The following HAT1 variants were observed in gnomAD, a reference collection of about 807,000 sequenced individuals.
HAT1 encodes the protein histone acetyltransferase type B catalytic subunit.
Under a neutral mutation model 56.6 loss-of-function variants are expected in HAT1, and 20 were observed. That is an observed-to-expected ratio of 0.35 (90% CI 0.25 to 0.51). HAT1 has a LOEUF of 0.51. Ranked by LOEUF, HAT1 falls within the 20% of genes least tolerant of loss-of-function variation. The pLI is 0.95. For missense variants in HAT1, 408 were observed against 504.3 expected (o/e 0.81, Z 1.83); for synonymous variants, 146 against 165.5 (o/e 0.88, Z 0.91).
At chr2:171,925,509 T>C in intron 1 of HAT1, 28 bp from the exon 2 acceptor site, 3 of 1,006,482 alleles carry the variant, frequency 3.0e-6, no homozygotes, top group Non-Finnish European at 4.8e-6. Context: ...ACTTCCAAAC[T>C]AAACCTTTTA....
chr2:171,956,178 TAAAAAAA>T (rs71013096), intron 4 of HAT1, among the ~76,000 whole-genome samples: 6 of 92,850 alleles, frequency 6.5e-5, no homozygotes, highest in Non-Finnish European at 1.0e-4. Context: ...ACCCTGTCTT[TAAAAAAA>T]AAAAAAAAAA....
In HAT1 at chr2:171,974,193, GAAAAAAAGAAAAAGAAA is replaced by G. The variant is rs1687898843; in HGVS notation, c.824-1956_824-1940del. On this transcript the variant is annotated intron_variant, in intron 8 of 10. Transcript: ENST00000264108. ...TGTCTCAAAAAAAAAAAAAAAAAAA[GAAAAAAAGAAAAAGAAA>G]AAAAAAAAAAGAAATATCTCCATTT... Among the ~76,000 whole-genome samples, 36 of 92,806 alleles carry G rather than the reference GAAAAAAAGAAAAAGAAA, an allele frequency of 3.9e-4. No homozygotes were observed. The Admixed American group carries it at 4.9e-3, about 13-fold the overall frequency. The allele number at this position is 92,806 out of a possible 152,430, so 60.9% of individuals were successfully genotyped here.
intron 8 of HAT1, among the ~76,000 whole-genome samples, chr2:171,971,461 T>C (rs572260446): frequency 1.8e-4 from 28 of 152,328 alleles, no homozygotes; most frequent in African/African-American, 6.7e-4. Context: ...CCATTTTGAA[T>C]AAATTGTTGT....
chr2:171,971,521 A>G (rs1687816179), intron 8 of HAT1, among the ~76,000 whole-genome samples: 2 of 152,166 alleles, frequency 1.3e-5, no homozygotes, highest in Admixed American at 6.5e-5. Context: ...GTGGATATCC[A>G]GCTGTCCTGG....
chr2:171,953,078 C>T (rs1218663827), intron 4 of HAT1, 77 bp downstream of exon 4: 4 of 929,162 alleles, frequency 4.3e-6, no homozygotes, highest in Non-Finnish European at 3.2e-6. Context: ...GGTGCGGTGG[C>T]TCACACCTGT....
intron 2 of HAT1, among the ~76,000 whole-genome samples, chr2:171,935,503 A>C (rs1686850703): frequency 7.0e-6 from 1 of 142,844 alleles, no homozygotes; most frequent in Non-Finnish European, 1.5e-5. Flanking sequence ...CAACAAGAGC[A>C]AAACTCCATC....
At chr2:171,951,866 C>T (rs1486561362) in intron 3 of HAT1, among the ~76,000 whole-genome samples, 6 of 152,042 alleles carry the variant, frequency 3.9e-5, no homozygotes, top group Admixed American at 6.6e-5. Context: ...ACTGTATGAC[C>T]CAAGCATGAT....
intron 2 of HAT1, among the ~76,000 whole-genome samples, chr2:171,933,304 C>T (rs939456677): frequency 1.3e-5 from 2 of 152,194 alleles, no homozygotes; most frequent in African/African-American, 4.8e-5. Flanking sequence ...AGTGATCCTC[C>T]TGCCTTGGCC....
At chr2:171,955,463 T>C (rs1687416655) in intron 4 of HAT1, among the ~76,000 whole-genome samples, 1 of 151,536 alleles carries the variant, frequency 6.6e-6, no homozygotes, top group East Asian at 1.9e-4. Flanking sequence ...ATACAAAAAT[T>C]AGCCGGGCGT....
At chr2:171,951,862 T>C (rs546488806) in intron 3 of HAT1, among the ~76,000 whole-genome samples, 1 of 152,312 alleles carries the variant, frequency 6.6e-6, no homozygotes, top group South Asian at 2.1e-4. Flanking sequence ...CTGAACTGTA[T>C]GACCCAAGCA....
At position 171,966,883 on chromosome 2, in the gene HAT1, G is replaced by T; in HGVS notation, c.757G>T (p.Gly253Cys). ...ILTPFQGQGH[G>C]AQLLETVHRY... is the part of the protein sequence containing the mutation. Reference sequence around the variant, plus strand: ...GACTCCATTTCAAGGTCAAGGCCATGGTGCTCAACTTCTTGAAACAGTTCA... The same window carrying T: ...GACTCCATTTCAAGGTCAAGGCCATTGTGCTCAACTTCTTGAAACAGTTCA... The change falls in exon 8 of 11, where the codon GGT becomes TGT. Residue 253 changes from glycine to cysteine, a missense_variant. Gly to Cys is a radical substitution (Grantham distance 159). Transcript: ENST00000264108. 6.3e-7 allele frequency: 1 copy of T among 1,594,716 alleles called. No individual in the cohort carries two copies. Among genetic ancestry groups the T allele is most frequent in the Non-Finnish European group, 8.6e-7 (1 of 1,163,024 alleles).
At chr2:171,970,313 C>T (rs1188569471) in intron 8 of HAT1, among the ~76,000 whole-genome samples, 1 of 150,702 alleles carries the variant, frequency 6.6e-6, no homozygotes, top group Non-Finnish European at 1.5e-5. Context: ...CCCAGCTACT[C>T]GGGAGGCTGA....
intron 8 of HAT1, among the ~76,000 whole-genome samples, chr2:171,970,431 A>C (rs531796657): frequency 6.7e-6 from 1 of 149,270 alleles, no homozygotes; most frequent in African/African-American, 2.5e-5. Context: ...ACACACACAT[A>C]CACACACACA....
intron 2 of HAT1, among the ~76,000 whole-genome samples, chr2:171,938,218 A>G (rs1265151869): frequency 6.6e-6 from 1 of 152,102 alleles, no homozygotes; most frequent in African/African-American, 2.4e-5. Context: ...ACATAGCAAG[A>G]CTCTGTCTCT....
intron 4 of HAT1, among the ~76,000 whole-genome samples, chr2:171,959,154 G>T (rs766990012): frequency 1.3e-5 from 2 of 152,148 alleles, no homozygotes; most frequent in African/African-American, 2.4e-5. Flanking sequence ...ATACTGTAGT[G>T]GTTTGATGTT....
At chr2:171,979,095 C>A in intron 9 of HAT1, 152 bp from the exon 10 acceptor site, 1 of 581,228 alleles carries the variant, frequency 1.7e-6, no homozygotes, top group Admixed American at 3.0e-5. Context: ...ACCCACTAGA[C>A]TGCTTGAGGG....
chr2:171,947,084 T>C (rs1687185436), intron 3 of HAT1, among the ~76,000 whole-genome samples: 1 of 152,162 alleles, frequency 6.6e-6, no homozygotes, highest in Admixed American at 6.5e-5. Context: ...GGCTGGAGTA[T>C]AGATTTTAGG....
chr2:171,954,284 C>A (rs1420176497), intron 4 of HAT1, among the ~76,000 whole-genome samples: 1 of 152,134 alleles, frequency 6.6e-6, no homozygotes, highest in Non-Finnish European at 1.5e-5. Flanking sequence ...ATTTCTAATC[C>A]CACAAATTTT....
chr2:171,940,617 G>A (rs1686996990), intron 2 of HAT1, among the ~76,000 whole-genome samples: 1 of 152,176 alleles, frequency 6.6e-6, no homozygotes, highest in Non-Finnish European at 1.5e-5. Flanking sequence ...TCAATAAATT[G>A]CTTCTGTTCT....
Sources: allele counts gnomAD v4.1 joint callset (sites outside exome capture counted in the v4.1 genomes callset), GRCh38; gene constraint gnomAD v4.1.1; transcripts MANE v1.5; gene names NCBI Gene and HGNC (gene_info 2026-07-23, HGNC 2026-07-21).